ZNF536: variants seen among roughly 807,000 people sequenced by gnomAD.
The protein encoded by ZNF536 is zinc finger protein 536.
In ZNF536, 13 loss-of-function variants were observed where a neutral mutation model predicts 84.5. That is an observed-to-expected ratio of 0.15 (90% CI 0.10 to 0.24). The LOEUF is 0.24. Ranked by LOEUF, ZNF536 falls within the 10% of genes least tolerant of loss-of-function variation. The pLI is 1.00. For missense variants in ZNF536, 1,536 were observed against 1,747.5 expected (o/e 0.88, Z 2.16); for synonymous variants, 811 against 742.5 (o/e 1.09, Z -1.50).
At position 30,378,700 on chromosome 19, in the gene ZNF536, C is replaced by T. The variant is rs140980870; in HGVS notation, c.-3+6144C>T. Among the ~76,000 whole-genome samples, 1,065 of 152,304 alleles carry T rather than the reference C, an allele frequency of 7.0e-3. 9 individuals carry two copies. The highest frequency in any genetic ancestry group is 0.024 in the African/African-American group (1,002 of 41,556). On this transcript the variant is annotated intron_variant, in intron 1 of 4. Coordinates refer to ENST00000355537, the MANE Select transcript of ZNF536 (RefSeq NM_014717.3). ...TTTCCATCTCCTGCATTGCTCCAGCCGAGGTCCCTTTTGCTCTAAAGGAGT... is the reference window on the plus strand; with the variant it reads ...TTTCCATCTCCTGCATTGCTCCAGCTGAGGTCCCTTTTGCTCTAAAGGAGT...
intron 1 of ZNF536, among the ~76,000 whole-genome samples, chr19:30,414,700 G>T (rs560442513): frequency 2.6e-4 from 39 of 152,210 alleles, no homozygotes; most frequent in African/African-American, 9.4e-4. Flanking sequence ...TCCAGACATT[G>T]TAAAAACCAT....
chr19:30,345,912 A>G (rs1391807103), intron 2 of ZNF536, among the ~76,000 whole-genome samples: 1 of 152,234 alleles, frequency 6.6e-6, no homozygotes, highest in African/African-American at 2.4e-5. Flanking sequence ...GGGAGGCATC[A>G]GTCGGGAGGG....
At chr19:30,279,155 T>G (rs1178452489) in intron 1 of ZNF536, among the ~76,000 whole-genome samples, 6 of 152,248 alleles carry the variant, frequency 3.9e-5, no homozygotes, top group Admixed American at 3.9e-4. Context: ...TGTTGCTTCC[T>G]TAGAGAGGTC....
intron 1 of ZNF536, among the ~76,000 whole-genome samples, chr19:30,416,973 A>ATTTC (rs954351443): frequency 3.6e-4 from 55 of 150,750 alleles, no homozygotes; most frequent in African/African-American, 1.2e-3. Flanking sequence ...CATCTATATT[A>ATTTC]TTTCTTTCTT....
At chr19:30,519,089 C>T (rs1426611600) in intron 2 of ZNF536, among the ~76,000 whole-genome samples, 1 of 152,208 alleles carries the variant, frequency 6.6e-6, no homozygotes, top group African/African-American at 2.4e-5. Context: ...AACGAACGGC[C>T]TGAGGTGCTG....
At chr19:30,424,468 T>C (rs532342799) in intron 1 of ZNF536, among the ~76,000 whole-genome samples, 60 of 152,258 alleles carry the variant, frequency 3.9e-4, no homozygotes, top group Non-Finnish European at 7.1e-4. Context: ...TGAGCACAGG[T>C]AACACAGTCT....
At chr19:30,255,443 G>A (rs939914216) in intron 1 of ZNF536, among the ~76,000 whole-genome samples, 1 of 75,298 alleles carries the variant, frequency 1.3e-5, no homozygotes, top group Non-Finnish European at 2.2e-5. Flanking sequence ...TAAAGAACAC[G>A]GGTTCGGGTG....
At chr19:30,518,247 G>A (rs550548819) in intron 2 of ZNF536, among the ~76,000 whole-genome samples, 19 of 152,332 alleles carry the variant, frequency 1.2e-4, no homozygotes, top group African/African-American at 4.6e-4. Context: ...CAGCTGGCAG[G>A]AAGGGCCAAG....
At chr19:30,307,170 A>C (rs1167513320) in intron 2 of ZNF536, among the ~76,000 whole-genome samples, 2 of 152,230 alleles carry the variant, frequency 1.3e-5, no homozygotes, top group East Asian at 3.9e-4. Context: ...TTCTGGGAGA[A>C]GTTTACAATT....
At chr19:30,441,169 A>G (rs2052029750) in intron 1 of ZNF536, among the ~76,000 whole-genome samples, 2 of 152,186 alleles carry the variant, frequency 1.3e-5, no homozygotes, top group African/African-American at 4.8e-5. Flanking sequence ...AGCAACCTGA[A>G]AATAGCCCGT....
upstream of ZNF536, among the ~76,000 whole-genome samples, chr19:30,368,606 A>T (rs529546962): frequency 2.0e-3 from 307 of 152,298 alleles, 1 homozygote; most frequent in Non-Finnish European, 3.9e-3. Flanking sequence ...AAAAGCAGGA[A>T]TCTCTATTTT....
chr19:30,300,108 G>A (rs2046130413), intron 2 of ZNF536, among the ~76,000 whole-genome samples: 2 of 152,154 alleles, frequency 1.3e-5, no homozygotes, highest in Admixed American at 6.5e-5. Flanking sequence ...TGTTATGAGC[G>A]TGGGAGAGTT....
intron 2 of ZNF536, among the ~76,000 whole-genome samples, chr19:30,482,400 A>G (rs2054125742): frequency 6.6e-6 from 1 of 152,168 alleles, no homozygotes; most frequent in African/African-American, 2.4e-5. Context: ...GAAGTGCTGG[A>G]GTCTGGATTT....
intron 1 of ZNF536, among the ~76,000 whole-genome samples, chr19:30,626,699 C>A (rs1049952802): frequency 2.0e-5 from 3 of 152,192 alleles, no homozygotes; most frequent in Admixed American, 2.0e-4. Context: ...AGGAAGCTCT[C>A]CCCCAACGTG....
At chr19:30,592,012 G>A (rs550432192) in intron 1 of ZNF536, among the ~76,000 whole-genome samples, 15 of 152,168 alleles carry the variant, frequency 9.9e-5, no homozygotes, top group Admixed American at 9.2e-4. Context: ...CAACTAACCT[G>A]CCTTGTTCTG....
intron 1 of ZNF536, among the ~76,000 whole-genome samples, chr19:30,639,191 T>C (rs2049177297): frequency 6.6e-6 from 1 of 152,352 alleles, no homozygotes; most frequent in African/African-American, 2.4e-5. Flanking sequence ...AGATGCCTTT[T>C]GACTGTATGA....
chr19:30,427,199 C>T (rs565975994), intron 1 of ZNF536, among the ~76,000 whole-genome samples: 2 of 152,342 alleles, frequency 1.3e-5, no homozygotes, highest in African/African-American at 4.8e-5. Context: ...ATTTCTCTTG[C>T]TCTGCCATCC....
At chr19:30,580,929 A>G (rs1044978957) in intron 1 of ZNF536, among the ~76,000 whole-genome samples, 6 of 152,060 alleles carry the variant, frequency 3.9e-5, no homozygotes, top group African/African-American at 1.4e-4. Flanking sequence ...TGGCCCCAGC[A>G]TTTTCCAAGA....
chr19:30,312,440 T>A (rs771850027), intron 2 of ZNF536, among the ~76,000 whole-genome samples: 25 of 152,176 alleles, frequency 1.6e-4, no homozygotes, highest in Non-Finnish European at 2.8e-4. Context: ...CATGCTCACA[T>A]TTGGCTTCCA....
Sources: gnomAD v4.1 joint callset for allele counts (sites outside exome capture counted in the v4.1 genomes callset) on GRCh38, gnomAD v4.1.1 for gene constraint, MANE v1.5 for transcripts, NCBI Gene and HGNC (gene_info 2026-07-23, HGNC 2026-07-21) for gene names.